The following LRP2 variants were observed in gnomAD, a reference collection of about 807,000 sequenced individuals.
LRP2 encodes the protein LDL receptor related protein 2, also known as low-density lipoprotein receptor-related protein 2.
Under a neutral mutation model 531.0 loss-of-function variants are expected in LRP2, and 172 were observed. The ratio of observed to expected loss-of-function variants is 0.32; its 90% CI spans 0.29 to 0.37. LRP2 has a LOEUF of 0.37. LRP2 is among the 10% of genes least tolerant of loss of function. LRP2 has a pLI of 1.00. For missense variants in LRP2, 5,167 were observed against 5,868.3 expected (o/e 0.88, Z 3.90); for synonymous variants, 1,992 against 2,027.6 (o/e 0.98, Z 0.47).
chr2:169,342,886 C>A (rs1329474517), intron 1 of LRP2, among the ~76,000 whole-genome samples: 1 of 152,192 alleles, frequency 6.6e-6, no homozygotes, highest in Non-Finnish European at 1.5e-5. Context: ...ACCTATTGAA[C>A]ATCTCACTGA....
rs140586887 is a variant in LRP2 at position 169,198,906 on chromosome 2, G to T, written c.8458C>A (p.Arg2820Ser). Residue 2820 changes from arginine (R) to serine (S), a missense_variant, in exon 45 of 79, where the codon CGC (arginine) becomes AGC (serine). This residue lies in a region of LRP2 where 1,129 missense variants were observed against 1,362.7 expected (regional missense o/e 0.83). Coordinates refer to ENST00000649046, the MANE Select transcript of LRP2 (RefSeq NM_004525.3). ...TTTGTGTATCCAGACTGGCAAGTGC[G>T]ATCAGCTTGAAAAAGACAACCAGAT... The part of the protein sequence containing the change: ...NTSDEKNCPD[R>S]TCQSGYTKCH... 7.1e-4 allele frequency: 1,144 copies of T among 1,612,940 alleles called. No homozygotes were observed. Among genetic ancestry groups the T allele is most frequent in the Non-Finnish European group, 9.2e-4 (1,085 of 1,179,454 alleles).
rs142870933 is a variant in LRP2, at chr2:169,230,347, G to A, written c.5227+1367C>T. Among the ~76,000 whole-genome samples the A allele has an allele frequency of 7.0e-3, 1,059 of 152,330 alleles. 7 individuals are homozygous for A. Among genetic ancestry groups the A allele is most frequent in the Middle Eastern group, 0.041 (12 of 294 alleles). ...AAATGGCAAGTGCCAGTCCCTCTGT[G>A]AGAATTACCAATAATTAAAATCTTT... On this transcript the variant is annotated intron_variant, in intron 31 of 78. Transcript: ENST00000649046.
intron 12 of LRP2, 83 bp from the exon 13 acceptor site, chr2:169,278,034 A>G: frequency 9.1e-7 from 1 of 1,104,648 alleles, no homozygotes. Flanking sequence ...TGTTTGGATC[A>G]ATGGAAATTT....
At chr2:169,343,540 G>A (rs1014834012) in intron 1 of LRP2, among the ~76,000 whole-genome samples, 2 of 152,166 alleles carry the variant, frequency 1.3e-5, no homozygotes, top group Admixed American at 6.5e-5. Flanking sequence ...GACCTTGCAT[G>A]TTCACAATAT....
At chr2:169,274,726 A>G (rs559600309) in intron 14 of LRP2, among the ~76,000 whole-genome samples, 3 of 152,226 alleles carry the variant, frequency 2.0e-5, no homozygotes, top group Admixed American at 6.5e-5. Context: ...GAATGAGGAT[A>G]GGTATTTTGG....
At chr2:169,225,482 A>T (rs746179917) in intron 32 of LRP2, 29 bp from the exon 33 acceptor site, 1 of 1,613,450 alleles carries the variant, frequency 6.2e-7, no homozygotes, top group South Asian at 1.1e-5. Context: ...GGAGGTGAGC[A>T]GTTCCAAGGC....
chr2:169,256,313 C>T, intron 18 of LRP2, 77 bp from the exon 19 acceptor site: 1 of 1,146,488 alleles, frequency 8.7e-7, no homozygotes, highest in Non-Finnish European at 1.3e-6. Flanking sequence ...CATCCAAAAA[C>T]AGTAGGGTCA....
At chr2:169,233,325 G>C in intron 30 of LRP2, 86 bp downstream of exon 30, 1 of 1,429,980 alleles carries the variant, frequency 7.0e-7, no homozygotes, top group South Asian at 1.2e-5. Flanking sequence ...CCAAACAAAT[G>C]GGTCTGTAAC....
intron 38 of LRP2, among the ~76,000 whole-genome samples, chr2:169,209,060 G>A (rs1688503198): frequency 6.6e-6 from 1 of 152,172 alleles, no homozygotes; most frequent in South Asian, 2.1e-4. Context: ...AAATTGCTCA[G>A]CTTCAAAGCA....
At chr2:169,262,998 G>A (rs938895645) in intron 16 of LRP2, among the ~76,000 whole-genome samples, 2 of 152,158 alleles carry the variant, frequency 1.3e-5, no homozygotes, top group African/African-American at 4.8e-5. Flanking sequence ...ATGGGGAAAG[G>A]ATTCCCTATT....
chr2:169,176,688 A>G (rs1687207062), intron 53 of LRP2, 100 bp from the exon 54 acceptor site: 2 of 1,012,342 alleles, frequency 2.0e-6, no homozygotes, highest in African/African-American at 3.1e-5. Context: ...ATCACCTCTT[A>G]GTAAAAAAAA....
chr2:169,156,667 T>C (rs1475475643), intron 64 of LRP2, among the ~76,000 whole-genome samples: 1 of 152,192 alleles, frequency 6.6e-6, no homozygotes, highest in Non-Finnish European at 1.5e-5. Flanking sequence ...TGATAAGCAA[T>C]GGAGACAGGA....
intron 2 of LRP2, among the ~76,000 whole-genome samples, chr2:169,319,145 C>CA (rs529963939): frequency 9.6e-4 from 146 of 152,086 alleles, no homozygotes; most frequent in Middle Eastern, 6.8e-3. Flanking sequence ...CACATACACA[C>CA]AAAAAAATTA....
chr2:169,351,759 G>A (rs956061754), intron 1 of LRP2, among the ~76,000 whole-genome samples: 1 of 152,168 alleles, frequency 6.6e-6, no homozygotes, highest in Non-Finnish European at 1.5e-5. Flanking sequence ...GTATAGTTGT[G>A]TTTTTCTCCT....
chr2:169,137,622 G>A (rs1172964560), intron 75 of LRP2, 129 bp from the exon 76 acceptor site: 5 of 391,276 alleles, frequency 1.3e-5, no homozygotes, highest in Admixed American at 3.6e-5. Flanking sequence ...TAGGTGCTAC[G>A]TCATAAGTTA....
intron 49 of LRP2, among the ~76,000 whole-genome samples, chr2:169,186,943 T>G (rs1296565285): frequency 6.6e-6 from 1 of 152,374 alleles, no homozygotes; most frequent in East Asian, 1.9e-4. Context: ...GATTTTTGTA[T>G]AAATGTATAA....
In LRP2 at chr2:169,279,583, C is replaced by T; in HGVS notation, c.1354G>A (p.Asp452Asn). The T allele has an allele frequency of 6.2e-7, 1 of 1,611,242 alleles. No individual in the cohort carries two copies. Among genetic ancestry groups the T allele is most frequent in the Non-Finnish European group, 8.5e-7 (1 of 1,177,874 alleles). ...TCTTGGATATTTAAACCATTAATGT[C>T]AACTGAAAAAACCTGAAAGAAAAAC... ...DTVQNKVFSV[D>N]INGLNIQEVL... The change falls in exon 12 of 79, where the codon GAC (aspartate) becomes AAC (asparagine). Residue 452 changes from aspartate (D) to asparagine (N), a missense_variant. Coordinates refer to ENST00000649046, the MANE Select transcript of LRP2 (RefSeq NM_004525.3).
intron 7 of LRP2, 142 bp from the exon 8 acceptor site, chr2:169,291,139 T>G (rs2105467623): frequency 1.4e-6 from 1 of 713,404 alleles, no homozygotes; most frequent in East Asian, 2.6e-5. Context: ...AGTTAGTGAT[T>G]TCTAACTCTA....
At chr2:169,151,155 T>C in intron 67 of LRP2, 129 bp from the exon 68 acceptor site, 1 of 944,514 alleles carries the variant, frequency 1.1e-6, no homozygotes, top group Non-Finnish European at 1.7e-6. Context: ...CATCAGACCA[T>C]AGTCCCCCTC....
Sources: gnomAD v4.1 joint callset for allele counts (sites outside exome capture counted in the v4.1 genomes callset) on GRCh38, gnomAD v4.1.1 for gene constraint, gnomAD v4.1.1 regional missense constraint, MANE v1.5 for transcripts, NCBI Gene and HGNC (gene_info 2026-07-23, HGNC 2026-07-21) for gene names.